The following CDH18 variants were observed in gnomAD, a reference collection of about 807,000 sequenced individuals.
The protein encoded by CDH18 is cadherin 18.
CDH18 carries 31 observed loss-of-function variants against 67.9 expected under a neutral mutation model. The ratio of observed to expected loss-of-function variants is 0.46; its 90% CI spans 0.34 to 0.62. The LOEUF (loss-of-function observed/expected upper bound fraction) is 0.62. Ranked by LOEUF, CDH18 falls within the 20% of genes least tolerant of loss-of-function variation. The pLI is 0.01. For missense variants in CDH18, 890 were observed against 975.5 expected (o/e 0.91, Z 1.17); for synonymous variants, 362 against 347.2 (o/e 1.04, Z -0.48).
intron 1 of CDH18, among the ~76,000 whole-genome samples, chr5:20,491,411 G>T (rs1753576467): frequency 6.6e-6 from 1 of 152,114 alleles, no homozygotes; most frequent in South Asian, 2.1e-4. Flanking sequence ...CCTCCAACAG[G>T]TTCTCTAGAA....
At chr5:19,675,931 G>A (rs1759426559) in intron 5 of CDH18, among the ~76,000 whole-genome samples, 1 of 151,818 alleles carries the variant, frequency 6.6e-6, no homozygotes, top group Non-Finnish European at 1.5e-5. Flanking sequence ...CTTCTGACAT[G>A]GCTTCAGCCT....
At chr5:19,836,476 G>A (rs1781649841) in intron 3 of CDH18, among the ~76,000 whole-genome samples, 2 of 152,300 alleles carry the variant, frequency 1.3e-5, no homozygotes, top group South Asian at 4.1e-4. Flanking sequence ...CTTTTGAGAA[G>A]TGTCTGTTCA....
chr5:20,316,095 T>C (rs1266201495), intron 1 of CDH18, among the ~76,000 whole-genome samples: 3 of 152,118 alleles, frequency 2.0e-5, no homozygotes, highest in Non-Finnish European at 4.4e-5. Flanking sequence ...TGGCAAGACA[T>C]ACAAACTCTA....
chr5:19,725,756 T>C (rs945658030), intron 4 of CDH18, among the ~76,000 whole-genome samples: 3 of 152,090 alleles, frequency 2.0e-5, no homozygotes, highest in African/African-American at 4.8e-5. Context: ...GCAACAACAA[T>C]GAAACTCCGT....
chr5:20,251,407 G>T (rs1030808912), intron 2 of CDH18, among the ~76,000 whole-genome samples: 2 of 152,038 alleles, frequency 1.3e-5, no homozygotes, highest in African/African-American at 4.8e-5. Flanking sequence ...ATGATTGATT[G>T]ATTAGATAAT....
In CDH18 at chr5:20,286,083, G is replaced by A. The variant is rs1031104183; in HGVS notation, c.-579-30578C>T. ...TGCTTTGGATAAAAGTTTATGCTAC[G>A]GAGAGAACAAATAGATAATGGATAA... On this transcript the variant is annotated intron_variant, in intron 1 of 14. Transcript: ENST00000507958. Among the ~76,000 whole-genome samples, 9 of 151,404 alleles carry A rather than the reference G, an allele frequency of 5.9e-5. 1 individual carries two copies. The East Asian group carries it at 1.4e-3, about 23-fold the overall frequency.
At chr5:20,422,983 T>A (rs1747980918) in intron 1 of CDH18, among the ~76,000 whole-genome samples, 1 of 151,158 alleles carries the variant, frequency 6.6e-6, no homozygotes, top group Non-Finnish European at 1.5e-5. Context: ...GTATCCCTAC[T>A]CTTCCCTCCT....
In CDH18 at chr5:20,304,968, G is replaced by A. The variant is rs1371706832; in HGVS notation, c.-579-49463C>T. The A allele has an allele frequency of 1.3e-5, 21 of 1,613,870 alleles. No homozygotes were observed. In the East Asian group the frequency reaches 1.8e-4, roughly 14 times the overall value. On this transcript the variant is annotated intron_variant, in intron 1 of 14. Coordinates refer to the CDH18 transcript ENST00000507958. ...AATCCCGCACGGAGCAGTTCAAGGC[G>A]GCCAACTGCTTGTGATAGGCATTTC...
chr5:19,747,954 C>CAA (rs570565782), intron 3 of CDH18, among the ~76,000 whole-genome samples: 1 of 147,122 alleles, frequency 6.8e-6, no homozygotes, highest in Non-Finnish European at 1.5e-5. Flanking sequence ...TAAAAAAGTA[C>CAA]AAAAAAAAAC....
chr5:19,822,767 G>A (rs1256077381), intron 3 of CDH18, among the ~76,000 whole-genome samples: 2 of 152,112 alleles, frequency 1.3e-5, no homozygotes, highest in Admixed American at 6.5e-5. Flanking sequence ...ATGAAGTTTC[G>A]GGCACGCATT....
chr5:19,784,709 C>A (rs1775511642), intron 3 of CDH18, among the ~76,000 whole-genome samples: 1 of 152,130 alleles, frequency 6.6e-6, no homozygotes, highest in Admixed American at 6.6e-5. Context: ...AATCTTACTT[C>A]ATTTTTTAGA....
chr5:19,934,251 T>C (rs1794008356), intron 2 of CDH18, among the ~76,000 whole-genome samples: 2 of 151,390 alleles, frequency 1.3e-5, no homozygotes, highest in East Asian at 3.9e-4. Context: ...TTATGAACAT[T>C]AGATGTGAGA....
At chr5:19,946,135 G>C (rs540025892) in intron 2 of CDH18, among the ~76,000 whole-genome samples, 1 of 152,142 alleles carries the variant, frequency 6.6e-6, no homozygotes, top group Admixed American at 6.6e-5. Context: ...TACCTAAAGA[G>C]AATACCAGTT....
chr5:19,735,010 T>C (rs1768115641), intron 4 of CDH18, among the ~76,000 whole-genome samples: 1 of 152,172 alleles, frequency 6.6e-6, no homozygotes, highest in Non-Finnish European at 1.5e-5. Context: ...TTGCAAGCTG[T>C]CCTCCCTCGG....
At chr5:20,495,004 G>T (rs1197370280) in intron 1 of CDH18, among the ~76,000 whole-genome samples, 1 of 152,168 alleles carries the variant, frequency 6.6e-6, no homozygotes, top group Non-Finnish European at 1.5e-5. Flanking sequence ...CAACTCCACA[G>T]TTGAATGACG....
intron 3 of CDH18, among the ~76,000 whole-genome samples, chr5:19,778,904 A>ATAT (rs1236359045): frequency 1.3e-5 from 2 of 152,142 alleles, no homozygotes; most frequent in African/African-American, 4.8e-5. Context: ...TATTATGCTC[A>ATAT]GATACCTCCT....
In CDH18 at chr5:20,218,083, C is replaced by G. The variant is rs1740921110; in HGVS notation, c.-518+37361G>C. Reference sequence around the variant, plus strand: ...ACGATAATAGCTGGAGATTTTAATACCCCACTTTCAGCATTGAACAGGTCA... The same window carrying G: ...ACGATAATAGCTGGAGATTTTAATAGCCCACTTTCAGCATTGAACAGGTCA... On this transcript the variant is annotated intron_variant, in intron 2 of 14. Transcript: ENST00000507958. 2.0e-5 allele frequency among the ~76,000 whole-genome samples: 3 copies of G among 151,716 alleles called. No individual in the cohort carries two copies. In the Admixed American group the frequency reaches 2.0e-4, roughly 10 times the overall value.
chr5:20,105,331 C>T (rs1746835076), intron 2 of CDH18, among the ~76,000 whole-genome samples: 1 of 151,892 alleles, frequency 6.6e-6, no homozygotes, highest in South Asian at 2.1e-4. Flanking sequence ...GAGTTATGTA[C>T]ATAGAAACCA....
chr5:19,873,949 A>G (rs545519868), intron 2 of CDH18, among the ~76,000 whole-genome samples: 1 of 152,218 alleles, frequency 6.6e-6, no homozygotes, highest in Non-Finnish European at 1.5e-5. Context: ...TGCCTGGCCA[A>G]AAAAAATCAT....
Sources: allele counts gnomAD v4.1 joint callset (sites outside exome capture counted in the v4.1 genomes callset), GRCh38; gene constraint gnomAD v4.1.1; transcripts MANE v1.5; gene names NCBI Gene and HGNC (gene_info 2026-07-23, HGNC 2026-07-21).